Variants in FIGN observed in about 807,000 individuals in gnomAD.
FIGN encodes fidgetin, microtubule severing factor, also known as fidgetin.
A neutral mutation model predicts 51.3 loss-of-function variants in FIGN; 11 were observed. That is an observed-to-expected ratio of 0.21 (90% CI 0.13 to 0.35). The LOEUF (loss-of-function observed/expected upper bound fraction) is 0.35, where lower values mean the gene tolerates loss of function less well. Among genes scored for constraint, FIGN ranks in the 10% least tolerant of loss-of-function variants. The pLI is 1.00. For missense variants in FIGN, 857 were observed against 943.6 expected (o/e 0.91, Z 1.20); for synonymous variants, 407 against 363.2 (o/e 1.12, Z -1.37).
At chr2:163,648,602 C>A (rs1683420381) in intron 2 of FIGN, among the ~76,000 whole-genome samples, 1 of 152,152 alleles carries the variant, frequency 6.6e-6, no homozygotes, top group Admixed American at 6.5e-5. Flanking sequence ...TCTCAGAGGT[C>A]TCTGAATCAG....
chr2:163,622,272 C>T (rs1558999196), intron 2 of FIGN, among the ~76,000 whole-genome samples: 1 of 152,006 alleles, frequency 6.6e-6, no homozygotes, highest in Non-Finnish European at 1.5e-5. Flanking sequence ...GAGATGATGG[C>T]TGCAGTGAGT....
At chr2:163,730,427 T>C (rs965622254) in intron 2 of FIGN, among the ~76,000 whole-genome samples, 34 of 152,250 alleles carry the variant, frequency 2.2e-4, no homozygotes, top group Admixed American at 3.3e-4. Flanking sequence ...TGGCCATTTA[T>C]TTGCAGTGTG....
chr2:163,696,657 T>G (rs1320251191), intron 2 of FIGN, among the ~76,000 whole-genome samples: 1 of 151,860 alleles, frequency 6.6e-6, no homozygotes. Flanking sequence ...GTTTTTGTGT[T>G]GTCTTGTTTT....
rs147156152 is a variant in FIGN, at chr2:163,691,281, C to T, written c.25+43622G>A. Reference sequence around the variant, plus strand: ...AGTTGCCTAATTTAAAAAATTGATACAATTACATTAAAATGGGGTATCTGC... The same window carrying T: ...AGTTGCCTAATTTAAAAAATTGATATAATTACATTAAAATGGGGTATCTGC... On this transcript the variant is annotated intron_variant, in intron 2 of 2. Coordinates refer to ENST00000333129, the MANE Select transcript of FIGN (RefSeq NM_018086.4). Among the ~76,000 whole-genome samples, 549 of 152,172 alleles carry T rather than the reference C, an allele frequency of 3.6e-3. 5 individuals are homozygous for T. The highest frequency in any genetic ancestry group is 0.014 in the East Asian group (71 of 5,186).
chr2:163,720,739 A>G lies in FIGN; in HGVS notation c.25+14164T>C, dbSNP rs143786950. The stretch of plus-strand genomic sequence containing the variant: ...GTCCATTCAGAATGAAAGAGCTTTC[A>G]ACACTGTCATTTGTTGCAAAGACAG... On this transcript the variant is annotated intron_variant, in intron 2 of 2. Transcript: ENST00000333129. Among the ~76,000 whole-genome samples, 110 of 152,284 alleles carry G rather than the reference A, an allele frequency of 7.2e-4. 1 individual carries two copies. Among genetic ancestry groups the G allele is most frequent in the African/African-American group, 2.6e-3 (108 of 41,572 alleles).
At chr2:163,660,304 A>C (rs866367154) in intron 2 of FIGN, among the ~76,000 whole-genome samples, 1 of 152,066 alleles carries the variant, frequency 6.6e-6, no homozygotes, top group South Asian at 2.1e-4. Flanking sequence ...TGTAATTTAG[A>C]TGTGAAAGAA....
intron 2 of FIGN, among the ~76,000 whole-genome samples, chr2:163,734,013 TTTG>T (rs886844339): frequency 2.9e-4 from 44 of 152,158 alleles, no homozygotes; most frequent in African/African-American, 1.0e-3. Context: ...TTAACATCTT[TTTG>T]TTGTTGTTGT....
chr2:163,668,662 C>T (rs1559015275), intron 2 of FIGN, among the ~76,000 whole-genome samples: 1 of 152,108 alleles, frequency 6.6e-6, no homozygotes, highest in Non-Finnish European at 1.5e-5. Flanking sequence ...TGTAGTAGGC[C>T]AGGCGCAGTG....
chr2:163,629,451 TAGAGG>T (rs1255453150), intron 2 of FIGN, among the ~76,000 whole-genome samples: 1 of 152,082 alleles, frequency 6.6e-6, no homozygotes, highest in Admixed American at 6.6e-5. Context: ...TGGCAAGCAT[TAGAGG>T]ATTTTCCTCA....
intron 2 of FIGN, among the ~76,000 whole-genome samples, chr2:163,661,993 T>C (rs181008941): frequency 6.6e-6 from 1 of 152,186 alleles, no homozygotes; most frequent in African/African-American, 2.4e-5. Context: ...GCTTAAAAGA[T>C]ACCTGAAAAT....
chr2:163,649,954 C>T (rs1296511694), intron 2 of FIGN, among the ~76,000 whole-genome samples: 1 of 152,114 alleles, frequency 6.6e-6, no homozygotes, highest in Non-Finnish European at 1.5e-5. Context: ...TATTGCCCAG[C>T]GTCACACAGC....
chr2:163,706,128 C>A (rs769275096), intron 2 of FIGN, among the ~76,000 whole-genome samples: 8 of 152,132 alleles, frequency 5.3e-5, no homozygotes, highest in Non-Finnish European at 1.0e-4. Flanking sequence ...ACTTTTAATG[C>A]TCTTCTAAAG....
intron 2 of FIGN, among the ~76,000 whole-genome samples, chr2:163,693,586 A>AT (rs1475265307): frequency 4.6e-5 from 7 of 152,158 alleles, no homozygotes; most frequent in Non-Finnish European, 1.0e-4. Flanking sequence ...AAATTAGAGT[A>AT]GTTACATCAA....
At chr2:163,625,232 A>G (rs1247023067) in intron 2 of FIGN, among the ~76,000 whole-genome samples, 4 of 152,006 alleles carry the variant, frequency 2.6e-5, no homozygotes, top group Non-Finnish European at 4.4e-5. Context: ...TATACATGAA[A>G]ATGTATCCCA....
chr2:163,611,933 C>G, intron 2 of FIGN, 127 bp from the exon 3 acceptor site: 1 of 682,614 alleles, frequency 1.5e-6, no homozygotes, highest in Non-Finnish European at 2.4e-6. Context: ...AAAAGATCTA[C>G]ACTGTTTATA....
intron 2 of FIGN, among the ~76,000 whole-genome samples, chr2:163,665,156 T>C (rs368921958): frequency 3.3e-5 from 5 of 152,370 alleles, no homozygotes; most frequent in African/African-American, 1.2e-4. Flanking sequence ...TAAAGGAAAG[T>C]GCACATTCTC....
chr2:163,630,358 A>C (rs1471681206), intron 2 of FIGN, among the ~76,000 whole-genome samples: 7 of 151,994 alleles, frequency 4.6e-5, no homozygotes, highest in Non-Finnish European at 1.0e-4. Context: ...ATTTTTCTGA[A>C]GACATGTTTA....
chr2:163,682,952 G>C (rs914353559), intron 2 of FIGN, among the ~76,000 whole-genome samples: 1 of 152,160 alleles, frequency 6.6e-6, no homozygotes, highest in Non-Finnish European at 1.5e-5. Flanking sequence ...GCCACCAGGG[G>C]TTGTCAAAGT....
Position 163,611,208 on chromosome 2 carries a change from T to C in FIGN, c.624A>G (p.Ser208=). The change falls in exon 3 of 3, where the codon TCA becomes TCG. Residue 208 remains serine, a synonymous_variant. Coordinates refer to ENST00000333129, the MANE Select transcript of FIGN (RefSeq NM_018086.4). ...AGCTATGCAAAGGAGACGGATGAGGTGAAGGAAGTGCAGGTGCTGGCTGGC... is the reference window on the plus strand; with the variant it reads ...AGCTATGCAAAGGAGACGGATGAGGCGAAGGAAGTGCAGGTGCTGGCTGGC... ...YSSQPAPALP[S]PHPSPLHSSG... 6.2e-7 allele frequency: 1 copy of C among 1,613,684 alleles called. No individual in the cohort carries two copies. The highest frequency in any genetic ancestry group is 8.5e-7 in the Non-Finnish European group (1 of 1,179,880).
Sources: allele counts gnomAD v4.1 joint callset (sites outside exome capture counted in the v4.1 genomes callset), GRCh38; gene constraint gnomAD v4.1.1; transcripts MANE v1.5; gene names NCBI Gene and HGNC (gene_info 2026-07-23, HGNC 2026-07-21).